SLCO4C1: variants seen among roughly 807,000 people sequenced by gnomAD.
SLCO4C1 encodes the protein organic anion transporter M1.
SLCO4C1 carries 58 observed loss-of-function variants against 72.1 expected under a neutral mutation model. That is an observed-to-expected ratio of 0.80 (90% CI 0.65 to 1.00). The LOEUF is 1.00. Among genes scored for constraint, SLCO4C1 ranks in the 50% least tolerant of loss-of-function variants. SLCO4C1 has a pLI of 0.00. For missense variants in SLCO4C1, 898 were observed against 857.9 expected (o/e 1.05, Z -0.58); for synonymous variants, 297 against 312.5 (o/e 0.95, Z 0.52).
intron 8 of SLCO4C1, among the ~76,000 whole-genome samples, chr5:102,254,511 A>G (rs1214264588): frequency 5.9e-5 from 9 of 152,156 alleles, no homozygotes; most frequent in Admixed American, 5.2e-4. Flanking sequence ...AATTTAATCA[A>G]TGAATGATGT....
intron 2 of SLCO4C1, among the ~76,000 whole-genome samples, chr5:102,271,133 A>G (rs1749145285): frequency 6.6e-6 from 1 of 152,096 alleles, no homozygotes; most frequent in African/African-American, 2.4e-5. Flanking sequence ...ACACAATTAT[A>G]GTCATAATAA....
chr5:102,263,692 C>T lies in SLCO4C1; in HGVS notation c.891G>A (p.Met297Ile). 6.2e-7 allele frequency: 1 copy of T among 1,611,372 alleles called. No homozygotes were observed. ...QLLTIYIDVAMGESTDVTEDD... is the reference protein window; with the variant it reads ...QLLTIYIDVAIGESTDVTEDD... ...AATAGATACTGCCTTGCCTTTCTCCCATAGCAACATCAATGTATATGGTTA... is the reference window on the plus strand; with the variant it reads ...AATAGATACTGCCTTGCCTTTCTCCTATAGCAACATCAATGTATATGGTTA... Residue 297 changes from methionine to isoleucine, a missense_variant, in exon 4 of 13, where the codon ATG becomes ATA. Coordinates refer to ENST00000310954, the MANE Select transcript of SLCO4C1 (RefSeq NM_180991.5).
Position 102,276,330 on chromosome 5 carries a change from A to G in SLCO4C1, c.620-5524T>C, listed in dbSNP as rs141418790. 4.0e-3 allele frequency among the ~76,000 whole-genome samples: 602 copies of G among 152,350 alleles called. 10 individuals are homozygous for G. The highest frequency in any genetic ancestry group is 0.031 in the Admixed American group (472 of 15,302). On this transcript the variant is annotated intron_variant, in intron 2 of 12. Transcript: ENST00000310954. ...GCTATCTGCAAAATATCATCATGAG[A>G]TAACATGCATTCAGTTATTCTCCCA...
chr5:102,250,989 A>C lies in SLCO4C1; in HGVS notation c.1470-1201T>G, dbSNP rs1473748964. Among the ~76,000 whole-genome samples the C allele has an allele frequency of 3.9e-5, 6 of 152,058 alleles. No homozygotes were observed. The East Asian group carries it at 1.2e-3, about 29-fold the overall frequency. On this transcript the variant is annotated intron_variant, in intron 8 of 12. Transcript: ENST00000310954. ...GCAACAGAGTGAGACTCCATACAAA[A>C]AAAATCGTAAAAAATATATAAAGAA...
At chr5:102,291,683 T>A (rs1045545000) in intron 1 of SLCO4C1, 77 bp from the exon 2 acceptor site, 13 of 1,261,728 alleles carry the variant, frequency 1.0e-5, no homozygotes, top group Non-Finnish European at 1.4e-5. Flanking sequence ...TGAAGTAGAG[T>A]TTGATTATTC....
intron 3 of SLCO4C1, among the ~76,000 whole-genome samples, chr5:102,266,663 A>C (rs1346240083): frequency 1.4e-5 from 2 of 142,496 alleles, no homozygotes; most frequent in Non-Finnish European, 3.0e-5. Flanking sequence ...AAAAGAAAAG[A>C]AAAGAAAAGA....
At chr5:102,294,101 G>A (rs1360865460) in intron 1 of SLCO4C1, among the ~76,000 whole-genome samples, 1 of 152,130 alleles carries the variant, frequency 6.6e-6, no homozygotes, top group Non-Finnish European at 1.5e-5. Flanking sequence ...TAGAGACGGG[G>A]TTTCACCGTG....
Position 102,236,357 on chromosome 5 carries a change from T to A in SLCO4C1, c.*501A>T, listed in dbSNP as rs1354626744. On this transcript the variant is annotated 3_prime_UTR_variant, in exon 13 of 13. Coordinates refer to ENST00000310954, the MANE Select transcript of SLCO4C1 (RefSeq NM_180991.5). ...AAATTCATAGGCTTTCAATAATAATTCCCGGAAATCATCACACAACTTTGA... is the reference window on the plus strand; with the variant it reads ...AAATTCATAGGCTTTCAATAATAATACCCGGAAATCATCACACAACTTTGA... The A allele has an allele frequency of 6.6e-6, 1 of 152,372 alleles. No homozygotes were observed. Among genetic ancestry groups the A allele is most frequent in the Non-Finnish European group, 1.5e-5 (1 of 68,192 alleles). 9.4% of individuals were successfully genotyped at this position (152,372 alleles called of 1,614,324 possible).
intron 7 of SLCO4C1, among the ~76,000 whole-genome samples, chr5:102,257,538 C>A (rs944638640): frequency 6.6e-6 from 1 of 151,724 alleles, no homozygotes; most frequent in African/African-American, 2.4e-5. Context: ...GAATTTTAGC[C>A]TTTGTCTTTC....
intron 10 of SLCO4C1, among the ~76,000 whole-genome samples, chr5:102,243,952 G>A (rs1748592168): frequency 6.6e-6 from 1 of 152,148 alleles, no homozygotes; most frequent in Non-Finnish European, 1.5e-5. Flanking sequence ...TTGAGAGGCT[G>A]AGGCAGATGT....
chr5:102,247,917 C>CTTTTTTTTTTTTTTTTT (rs55692838), intron 9 of SLCO4C1, among the ~76,000 whole-genome samples: 1 of 107,436 alleles, frequency 9.3e-6, no homozygotes. Flanking sequence ...AGGCCAGAAA[C>CTTTTTTTTTTTTTTTTT]TTTTTTTTTT....
chr5:102,237,047 CTTT>C (rs755627470), intron 12 of SLCO4C1, 29 bp from the exon 13 acceptor site: 24 of 1,537,908 alleles, frequency 1.6e-5, no homozygotes, highest in Admixed American at 4.4e-5. Context: ...TAATCATGTG[CTTT>C]TGTTTTTAAT....
chr5:102,281,012 A>G (rs1287068589), intron 2 of SLCO4C1, among the ~76,000 whole-genome samples: 1 of 152,222 alleles, frequency 6.6e-6, no homozygotes, highest in African/African-American at 2.4e-5. Flanking sequence ...AGGCAAACCA[A>G]TATGGAAAAA....
chr5:102,259,605 T>C (rs1748898902), intron 6 of SLCO4C1, among the ~76,000 whole-genome samples: 1 of 152,144 alleles, frequency 6.6e-6, no homozygotes, highest in African/African-American at 2.4e-5. Flanking sequence ...AATAAAACTT[T>C]TATAACACTA....
In SLCO4C1 at chr5:102,236,575, T is replaced by C. The variant is rs1748435287; in HGVS notation, c.*283A>G. On this transcript the variant is annotated 3_prime_UTR_variant, in exon 13 of 13. Transcript: ENST00000310954. The stretch of plus-strand genomic sequence containing the variant: ...AATGGGAATAGGAAATAAGTGTGTA[T>C]GTGTGCGTGTGTGTGTGTGTGTGTG... The C allele has an allele frequency of 4.8e-6, 1 of 210,512 alleles. No individual in the cohort carries two copies. Among genetic ancestry groups the C allele is most frequent in the Non-Finnish European group, 8.4e-6 (1 of 119,522 alleles). The allele number at this position is 210,512 out of a possible 1,614,324, so 13.0% of individuals were successfully genotyped here.
chr5:102,279,275 T>C (rs770723167), intron 2 of SLCO4C1, among the ~76,000 whole-genome samples: 7 of 152,032 alleles, frequency 4.6e-5, no homozygotes, highest in Non-Finnish European at 8.8e-5. Flanking sequence ...GCATAAATTA[T>C]ATCTACTCAC....
intron 2 of SLCO4C1, among the ~76,000 whole-genome samples, chr5:102,279,042 C>G (rs934083157): frequency 1.3e-5 from 2 of 151,412 alleles, no homozygotes; most frequent in Admixed American, 1.3e-4. Context: ...ATCAATGAAA[C>G]TAAAAGTTCA....
intron 8 of SLCO4C1, among the ~76,000 whole-genome samples, chr5:102,251,213 T>C (rs1182122469): frequency 6.6e-6 from 1 of 152,034 alleles, no homozygotes; most frequent in Non-Finnish European, 1.5e-5. Flanking sequence ...CAAAAGGTAA[T>C]CGTTAAGGTA....
chr5:102,236,782 T>C lies in SLCO4C1; in HGVS notation c.*76A>G. On this transcript the variant is annotated 3_prime_UTR_variant, in exon 13 of 13. Coordinates refer to ENST00000310954, the MANE Select transcript of SLCO4C1 (RefSeq NM_180991.5). Reference sequence around the variant, plus strand: ...ATGATTGTCCATATTGGATAGATAATCCTGCCATGGCAATGTGTGTTCTTA... The same window carrying C: ...ATGATTGTCCATATTGGATAGATAACCCTGCCATGGCAATGTGTGTTCTTA... 1 of 1,395,634 alleles carries C rather than the reference T, an allele frequency of 7.2e-7. No homozygotes were observed. The highest frequency in any genetic ancestry group is 9.9e-7 in the Non-Finnish European group (1 of 1,005,722). 86.5% of individuals were successfully genotyped at this position (1,395,634 alleles called of 1,614,324 possible). A position where few individuals can be genotyped will look rare whatever the true frequency, so the allele number is the denominator to read the frequency against.
Sources: allele counts gnomAD v4.1 joint callset (sites outside exome capture counted in the v4.1 genomes callset), GRCh38; gene constraint gnomAD v4.1.1; transcripts MANE v1.5; gene names NCBI Gene and HGNC (gene_info 2026-07-23, HGNC 2026-07-21).